Variants in ZDHHC21 observed in about 807,000 individuals in gnomAD.
The protein encoded by ZDHHC21 is palmitoyltransferase ZDHHC21.
Under a neutral mutation model 34.6 loss-of-function variants are expected in ZDHHC21, and 15 were observed. That is an observed-to-expected ratio of 0.43 (90% CI 0.29 to 0.67). The LOEUF (loss-of-function observed/expected upper bound fraction) is 0.67, where lower values mean the gene tolerates loss of function less well. Among genes scored for constraint, ZDHHC21 ranks in the 30% least tolerant of loss-of-function variants. The pLI, the probability that ZDHHC21 is intolerant of heterozygous loss-of-function variation, is 0.14. For missense variants in ZDHHC21, 344 were observed against 327.7 expected (o/e 1.05, Z -0.38); for synonymous variants, 142 against 101.8 (o/e 1.40, Z -2.38).
Position 14,612,835 on chromosome 9 carries a change from C to T in ZDHHC21, c.*6131G>A, listed in dbSNP as rs1341446497. On this transcript the variant is annotated 3_prime_UTR_variant, in exon 10 of 10. Transcript: ENST00000380916. Reference sequence around the variant, plus strand: ...ATGGCAATATTATTCTTTAAAGCCACTAAAGATTACACACACACACACACA... The same window carrying T: ...ATGGCAATATTATTCTTTAAAGCCATTAAAGATTACACACACACACACACA... 8.1e-6 allele frequency: 1 copy of T among 123,646 alleles called. No individual in the cohort carries two copies. The highest frequency in any genetic ancestry group is 1.7e-5 in the Non-Finnish European group (1 of 59,806). The allele number at this position is 123,646 out of a possible 1,614,324, so 7.7% of individuals were successfully genotyped here.
intron 8 of ZDHHC21, among the ~76,000 whole-genome samples, chr9:14,633,958 G>A (rs1827820213): frequency 6.6e-6 from 1 of 152,156 alleles, no homozygotes; most frequent in African/African-American, 2.4e-5. Flanking sequence ...ACAGCCACTG[G>A]GTGAATGTAC....
rs966846005 is a variant in ZDHHC21, at chr9:14,689,535, G to A, written c.-176+802C>T. Among the ~76,000 whole-genome samples the A allele has an allele frequency of 2.2e-4, 34 of 152,284 alleles. 1 individual carries two copies. Among genetic ancestry groups the A allele is most frequent in the African/African-American group, 8.2e-4 (34 of 41,550 alleles). On this transcript the variant is annotated intron_variant, in intron 2 of 9. Coordinates refer to ENST00000380916, the MANE Select transcript of ZDHHC21 (RefSeq NM_178566.6). ...TTCTGGGCAAAATTGAGCATAAGCT[G>A]TTGCTCTTCTCATAAATTTGTTTTT...
downstream of ZDHHC21, among the ~76,000 whole-genome samples, chr9:14,610,744 A>T (rs1823189428): frequency 6.6e-6 from 1 of 152,014 alleles, no homozygotes; most frequent in African/African-American, 2.4e-5. Flanking sequence ...CTCAAGAAAA[A>T]ATACTGCTAT....
intron 3 of ZDHHC21, chr9:14,677,536 C>A (rs1269145200): frequency 1.3e-5 from 2 of 151,948 alleles, no homozygotes; most frequent in Non-Finnish European, 2.9e-5. Context: ...TTAAGGACAG[C>A]ATTCATAAAA....
intron 3 of ZDHHC21, among the ~76,000 whole-genome samples, chr9:14,676,618 C>T (rs543707360): frequency 6.6e-6 from 1 of 151,946 alleles, no homozygotes; most frequent in African/African-American, 2.4e-5. Flanking sequence ...GCCCAGGCCA[C>T]TAAACTAATA....
intron 2 of ZDHHC21, among the ~76,000 whole-genome samples, chr9:14,686,951 C>A (rs960256981): frequency 1.4e-5 from 2 of 145,278 alleles, no homozygotes; most frequent in African/African-American, 2.7e-5. Flanking sequence ...CCAGCCTGGG[C>A]GACAGGGCGA....
chr9:14,641,110 C>G (rs1829298108), intron 7 of ZDHHC21, among the ~76,000 whole-genome samples: 1 of 152,056 alleles, frequency 6.6e-6, no homozygotes, highest in Non-Finnish European at 1.5e-5. Context: ...ACAGCAACTT[C>G]AAAAATAGGA....
downstream of ZDHHC21, among the ~76,000 whole-genome samples, chr9:14,609,686 T>A (rs1823139353): frequency 6.6e-6 from 1 of 152,078 alleles, no homozygotes; most frequent in African/African-American, 2.4e-5. Context: ...TGAACTTAAT[T>A]TTGTATGGCT....
chr9:14,653,605 A>C (rs908867085), intron 7 of ZDHHC21, among the ~76,000 whole-genome samples: 1 of 151,768 alleles, frequency 6.6e-6, no homozygotes, highest in African/African-American at 2.4e-5. Flanking sequence ...CCATTTGGTT[A>C]ATCTCTATCT....
chr9:14,642,575 A>C (rs955834047), intron 7 of ZDHHC21, among the ~76,000 whole-genome samples: 8 of 152,182 alleles, frequency 5.3e-5, no homozygotes, highest in Non-Finnish European at 1.0e-4. Context: ...TAGGGTGGGC[A>C]CTAATCCAAT....
the ZDHHC21 span, among the ~76,000 whole-genome samples, chr9:14,591,076 C>G: frequency 6.6e-6 from 1 of 151,768 alleles, no homozygotes; most frequent in African/African-American, 2.4e-5. Flanking sequence ...GTAATTCTAA[C>G]AGAAACCATT....
downstream of ZDHHC21, among the ~76,000 whole-genome samples, chr9:14,607,925 G>C (rs1823068679): frequency 6.6e-6 from 1 of 152,064 alleles, no homozygotes; most frequent in East Asian, 1.9e-4. Context: ...ACAAAAATTA[G>C]AGCACTTCAC....
chr9:14,685,048 T>C (rs1328147669), intron 2 of ZDHHC21, among the ~76,000 whole-genome samples: 4 of 152,116 alleles, frequency 2.6e-5, no homozygotes, highest in South Asian at 2.1e-4. Context: ...ATACAAAAAT[T>C]AATTCAAGAT....
At chr9:14,608,815 G>A (rs746576165), downstream of ZDHHC21, among the ~76,000 whole-genome samples, 1 of 152,028 alleles carries the variant, frequency 6.6e-6, no homozygotes, top group African/African-American at 2.4e-5. Flanking sequence ...AGCAGCATTT[G>A]TATGCATTTG....
intron 7 of ZDHHC21, among the ~76,000 whole-genome samples, chr9:14,657,824 C>T (rs1832545850): frequency 6.6e-6 from 1 of 152,116 alleles, no homozygotes; most frequent in African/African-American, 2.4e-5. Context: ...CTTAATCTTA[C>T]TGAGGAATTT....
intron 7 of ZDHHC21, among the ~76,000 whole-genome samples, chr9:14,641,803 A>G (rs991241372): frequency 6.6e-6 from 1 of 152,166 alleles, no homozygotes. Flanking sequence ...GTATTTATGT[A>G]TTTCTTAATC....
At chr9:14,656,097 T>G (rs747734386) in intron 7 of ZDHHC21, among the ~76,000 whole-genome samples, 25 of 151,816 alleles carry the variant, frequency 1.6e-4, no homozygotes, top group Admixed American at 3.3e-4. Context: ...TATAACGAAA[T>G]TTGGATGTGT....
downstream of ZDHHC21, among the ~76,000 whole-genome samples, chr9:14,609,387 C>G (rs1051288770): frequency 1.3e-5 from 2 of 152,058 alleles, no homozygotes; most frequent in Non-Finnish European, 2.9e-5. Flanking sequence ...GAATGACTGA[C>G]AAACCAGTTT....
chr9:14,645,364 C>G (rs946298496), intron 7 of ZDHHC21, among the ~76,000 whole-genome samples: 1 of 151,948 alleles, frequency 6.6e-6, no homozygotes, highest in African/African-American at 2.4e-5. Flanking sequence ...AAAGAATTAT[C>G]TTTTCAATAA....
Sources: gnomAD v4.1 joint callset for allele counts (sites outside exome capture counted in the v4.1 genomes callset) on GRCh38, gnomAD v4.1.1 for gene constraint, MANE v1.5 for transcripts, NCBI Gene and HGNC (gene_info 2026-07-23, HGNC 2026-07-21) for gene names.